Variants in AOX1 observed in about 807,000 individuals in gnomAD.
The protein encoded by AOX1 is aldehyde oxidase 1, also known as aldehyde oxidase.
Under a neutral mutation model 169.5 loss-of-function variants are expected in AOX1, and 153 were observed. That is an observed-to-expected ratio of 0.90 (90% CI 0.79 to 1.03). The LOEUF is 1.03. Among genes scored for constraint, AOX1 ranks in the 50% least tolerant of loss-of-function variants. The probability of loss-of-function intolerance (pLI) is 0.00; values close to 1 mark genes in which losing one functional copy is unlikely to be tolerated. For missense variants in AOX1, 1,656 were observed against 1,663.9 expected (o/e 1.00, Z 0.08); for synonymous variants, 562 against 581.9 (o/e 0.97, Z 0.49).
At chr2:200,619,347 T>C (rs1209079918) in intron 16 of AOX1, among the ~76,000 whole-genome samples, 1 of 152,136 alleles carries the variant, frequency 6.6e-6, no homozygotes, top group Non-Finnish European at 1.5e-5. Flanking sequence ...GACCTCAACC[T>C]GGCCAACATG....
chr2:200,672,683 G>T (rs896520889), downstream of AOX1, among the ~76,000 whole-genome samples: 2 of 152,198 alleles, frequency 1.3e-5, no homozygotes, highest in African/African-American at 4.8e-5. Flanking sequence ...CAGGAGTATG[G>T]TTGATGCTTG....
chr2:200,659,076 G>T, intron 27 of AOX1, 89 bp from the exon 28 acceptor site: 2 of 1,276,852 alleles, frequency 1.6e-6, no homozygotes, highest in Non-Finnish European at 2.2e-6. Context: ...ATGGGTATGA[G>T]GGTATCACAC....
intron 31 of AOX1, among the ~76,000 whole-genome samples, chr2:200,664,106 A>G (rs2035882102): frequency 7.3e-6 from 1 of 136,372 alleles, no homozygotes; most frequent in African/African-American, 2.9e-5. Flanking sequence ...GGGTTCTTGC[A>G]TAGAACTGAT....
chr2:200,597,934 C>T lies in AOX1; in HGVS notation c.309+429C>T, dbSNP rs140237122. ...GACCAGCTTAGGCAACATGGTGAAACATGTCTCTACAAAAGTACAAAAATT... is the reference window on the plus strand; with the variant it reads ...GACCAGCTTAGGCAACATGGTGAAATATGTCTCTACAAAAGTACAAAAATT... On this transcript the variant is annotated intron_variant, in intron 4 of 34. Coordinates refer to ENST00000374700, the MANE Select transcript of AOX1 (RefSeq NM_001159.4). Among the ~76,000 whole-genome samples, 365 of 152,252 alleles carry T rather than the reference C, an allele frequency of 2.4e-3. 3 individuals are homozygous for T. The highest frequency in any genetic ancestry group is 8.4e-3 in the African/African-American group (349 of 41,542).
chr2:200,677,077 C>G (rs2036110101), downstream of AOX1: 3 of 372,456 alleles, frequency 8.1e-6, no homozygotes, highest in Non-Finnish European at 1.6e-5. Flanking sequence ...ATGATAGAAG[C>G]AATCTTTTAT....
At chr2:200,663,841 A>G (rs1366972057) in intron 31 of AOX1, among the ~76,000 whole-genome samples, 1 of 152,192 alleles carries the variant, frequency 6.6e-6, no homozygotes, top group Non-Finnish European at 1.5e-5. Flanking sequence ...AATATCCTCT[A>G]TGCCTGTGTT....
At chr2:200,588,377 A>G (rs902755764) in intron 1 of AOX1, 7 of 152,252 alleles carry the variant, frequency 4.6e-5, no homozygotes, top group Admixed American at 3.9e-4. Context: ...TTTGGGTTAA[A>G]TGAAGAAACA....
downstream of AOX1, chr2:200,679,445 C>CAATGGGTA (rs1357829019): frequency 7.3e-6 from 1 of 137,212 alleles, no homozygotes; most frequent in African/African-American, 2.7e-5. Context: ...TTGAGGATAA[C>CAATGGGTA]AATGGGTTTA....
At chr2:200,666,876 T>C (rs2035933052) in intron 32 of AOX1, 124 bp downstream of exon 32, 8 of 584,538 alleles carry the variant, frequency 1.4e-5, no homozygotes, top group Admixed American at 3.2e-5. Flanking sequence ...GTCAACTCTA[T>C]TCAGACCAAC....
At position 200,609,365 on chromosome 2, in the gene AOX1, G is replaced by A; in HGVS notation, c.1104G>A (p.Leu368=). 1 of 1,614,032 alleles carries A rather than the reference G, an allele frequency of 6.2e-7. No individual in the cohort carries two copies. Among genetic ancestry groups the A allele is most frequent in the Non-Finnish European group, 8.5e-7 (1 of 1,179,968 alleles). The change falls in exon 12 of 35, where the codon CTG becomes CTA. Residue 368 remains leucine (L), a synonymous_variant. Coordinates refer to ENST00000374700, the MANE Select transcript of AOX1 (RefSeq NM_001159.4). ...HIISRHPDSD[L]NPILAVGNCT... ...TTAGCAGGCATCCAGATTCAGATCT[G>A]AATCCCATCCTGGCTGTGGGTAACT...
intron 19 of AOX1, among the ~76,000 whole-genome samples, chr2:200,624,625 T>C (rs1005585640): frequency 1.3e-5 from 2 of 152,210 alleles, no homozygotes; most frequent in East Asian, 1.9e-4. Flanking sequence ...ACACGATTTT[T>C]AGATTTTTCA....
Position 200,660,054 on chromosome 2 carries a change from A to G in AOX1, c.3360A>G (p.Gly1120=), listed in dbSNP as rs1157759659. 1 of 1,613,682 alleles carries G rather than the reference A, an allele frequency of 6.2e-7. No homozygotes were observed. Among genetic ancestry groups the G allele is most frequent in the African/African-American group, 1.3e-5 (1 of 74,924 alleles). The change falls in exon 29 of 35, where the codon GGA becomes GGG. Residue 1120 remains glycine, a synonymous_variant. Transcript: ENST00000374700. Reference sequence around the variant, plus strand: ...CCATCATCAGCAAGAATCCTAAAGGAACTTGGAAAGACTGGGTGAGAATCA... The same window carrying G: ...CCATCATCAGCAAGAATCCTAAAGGGACTTGGAAAGACTGGGTGAGAATCA... ...LEPIISKNPK[G]TWKDWAQTAF...
intron 4 of AOX1, 61 bp from the exon 5 acceptor site, chr2:200,599,556 TCTA>T: frequency 7.6e-7 from 1 of 1,322,876 alleles, no homozygotes; most frequent in East Asian, 2.6e-5. Flanking sequence ...GAATGCAGGC[TCTA>T]ATTCATTAGG....
chr2:200,674,014 C>T (rs1361289569), downstream of AOX1, among the ~76,000 whole-genome samples: 1 of 152,186 alleles, frequency 6.6e-6, no homozygotes, highest in Non-Finnish European at 1.5e-5. Flanking sequence ...CAAGCAAAAG[C>T]TATACAGTAA....
chr2:200,632,295 A>C (rs1424168765), intron 20 of AOX1, among the ~76,000 whole-genome samples: 1 of 146,834 alleles, frequency 6.8e-6, no homozygotes, highest in African/African-American at 2.5e-5. Context: ...GATAGTTTAC[A>C]CACATACATA....
chr2:200,630,210 T>TAAAAAAAAAAA (rs57410809), intron 20 of AOX1, among the ~76,000 whole-genome samples: 43 of 95,518 alleles, frequency 4.5e-4, no homozygotes, highest in African/African-American at 1.9e-3. Context: ...TCCTTCTATT[T>TAAAAAAAAAAA]AAAAAAAAAA....
intron 3 of AOX1, among the ~76,000 whole-genome samples, chr2:200,596,071 A>T (rs2034278081): frequency 6.6e-6 from 1 of 152,010 alleles, no homozygotes; most frequent in South Asian, 2.1e-4. Context: ...TGTGCCACAC[A>T]CTCTTCCCTC....
rs757457092 is a variant in AOX1 at position 200,670,724 on chromosome 2, T to C, written c.*45T>C. 2.0e-6 allele frequency: 3 copies of C among 1,479,630 alleles called. No homozygotes were observed. Among genetic ancestry groups the C allele is most frequent in the Non-Finnish European group, 2.8e-6 (3 of 1,060,130 alleles). The allele number at this position is 1,479,630 out of a possible 1,614,324, so 91.7% of individuals were successfully genotyped here. On this transcript the variant is annotated 3_prime_UTR_variant, in exon 35 of 35. Transcript: ENST00000374700. ...AGAAAACAGAGTGCCTCTTCCCAGA[T>C]GGCAATCTGTCCTATCTCTGTGCTG...
At chr2:200,608,852 A>T in intron 10 of AOX1, 132 bp from the exon 11 acceptor site, 1 of 766,694 alleles carries the variant, frequency 1.3e-6, no homozygotes, top group East Asian at 2.7e-5. Flanking sequence ...ATCACTGCCC[A>T]TCACCACCAT....
Sources: allele counts gnomAD v4.1 joint callset (sites outside exome capture counted in the v4.1 genomes callset), GRCh38; gene constraint gnomAD v4.1.1; transcripts MANE v1.5; gene names NCBI Gene and HGNC (gene_info 2026-07-23, HGNC 2026-07-21).